Variants in KCNJ9 observed in about 807,000 individuals in gnomAD.
The protein encoded by KCNJ9 is G protein-activated inward rectifier potassium channel 3.
A neutral mutation model predicts 27.9 loss-of-function variants in KCNJ9; 18 were observed. The ratio of observed to expected loss-of-function variants is 0.65; its 90% CI spans 0.45 to 0.96. The LOEUF is 0.96. Among genes scored for constraint, KCNJ9 ranks in the 40% least tolerant of loss-of-function variants. KCNJ9 has a pLI of 0.00. For missense variants in KCNJ9, 324 were observed against 557.5 expected (o/e 0.58, Z 4.22); for synonymous variants, 229 against 248.2 (o/e 0.92, Z 0.73).
rs1041401478 is a variant in KCNJ9, at chr1:160,084,014, G to T, written c.-17G>T. On this transcript the variant is annotated 5_prime_UTR_variant, in exon 2 of 3. Transcript: ENST00000368088. ...CGCACTCCAGGCGCCCGCAGCGCTC[G>T]CCCTGACGCGGCCGCCATGGCGCAG... The T allele has an allele frequency of 6.6e-5, 89 of 1,356,692 alleles. No individual in the cohort carries two copies. The highest frequency in any genetic ancestry group is 8.0e-5 in the Non-Finnish European group (85 of 1,061,300). 84.0% of individuals were successfully genotyped at this position (1,356,692 alleles called of 1,614,324 possible). A position where few individuals can be genotyped will look rare whatever the true frequency, so the allele number is the denominator to read the frequency against.
At position 160,082,756 on chromosome 1, in the gene KCNJ9, A is replaced by G. The variant is rs367964621; in HGVS notation, c.-115+1059A>G. Among the ~76,000 whole-genome samples, 34 of 152,248 alleles carry G rather than the reference A, an allele frequency of 2.2e-4. 2 individuals are homozygous for G. The South Asian group carries it at 6.6e-3, about 30-fold the overall frequency. ...GAGAAGGGAAGGTGGAAGAGTCCCA[A>G]ATCCTATTCTAAACCTTTCCCTGTA... On this transcript the variant is annotated intron_variant, in intron 1 of 2. Coordinates refer to ENST00000368088, the MANE Select transcript of KCNJ9 (RefSeq NM_004983.3).
intron 1 of KCNJ9, among the ~76,000 whole-genome samples, 175 bp from the exon 2 acceptor site, chr1:160,083,742 C>G (rs1284325614): frequency 2.0e-5 from 3 of 152,162 alleles, no homozygotes; most frequent in Non-Finnish European, 4.4e-5. Context: ...TCCATTTGAC[C>G]CTCACAACTT....
At chr1:160,082,008 C>A (rs920011414) in intron 1 of KCNJ9, among the ~76,000 whole-genome samples, 9 of 152,124 alleles carry the variant, frequency 5.9e-5, no homozygotes, top group African/African-American at 2.2e-4. Flanking sequence ...CTTTTCCTTC[C>A]CCTGAGAAAA....
chr1:160,084,602 G>C lies in KCNJ9; in HGVS notation c.572G>C (p.Arg191Pro), dbSNP rs1358119523. ...GACGGGCGCCTCTGCCTCATGTTCCGCGTGGGCGACTTGCGCTCCTCACAC... is the reference window on the plus strand; with the variant it reads ...GACGGGCGCCTCTGCCTCATGTTCCCCGTGGGCGACTTGCGCTCCTCACAC... ...LRDGRLCLMF[R>P]VGDLRSSHIV... The change falls in exon 2 of 3, where the codon CGC becomes CCC. Residue 191 changes from arginine (R) to proline (P), a missense_variant. Transcript: ENST00000368088. 1 of 1,610,030 alleles carries C rather than the reference G, an allele frequency of 6.2e-7. No individual in the cohort carries two copies. The highest frequency in any genetic ancestry group is 1.7e-5 in the Admixed American group (1 of 59,630).
intron 1 of KCNJ9, among the ~76,000 whole-genome samples, chr1:160,083,434 A>G (rs1245940409): frequency 6.6e-6 from 1 of 152,194 alleles, no homozygotes; most frequent in African/African-American, 2.4e-5. Flanking sequence ...GTGAACTTCA[A>G]AACAGCCTGC....
chr1:160,087,803 G>A lies in KCNJ9; in HGVS notation c.1168G>A (p.Glu390Lys). Residue 390 changes from glutamate (E) to lysine (K), a missense_variant, in exon 3 of 3, where the codon GAG becomes AAG. Physicochemically the swap from Glu to Lys is moderately conservative, Grantham distance 56 (BLOSUM62 1). Coordinates refer to ENST00000368088, the MANE Select transcript of KCNJ9 (RefSeq NM_004983.3). ...TGGCTGCCTGCCACCCCCAGAGAGT[G>A]AGTCCAAGGTGTGACCAGCTTCCTC... is the stretch of plus-strand genomic sequence containing the variant. ...QNGCLPPPES[E>K]SKV is the part of the protein sequence containing the mutation. The A allele has an allele frequency of 6.6e-7, 1 of 1,510,686 alleles. No homozygotes were observed. Among genetic ancestry groups the A allele is most frequent in the Non-Finnish European group, 8.8e-7 (1 of 1,130,306 alleles). 93.6% of individuals were successfully genotyped at this position (1,510,686 alleles called of 1,614,324 possible).
In KCNJ9 at chr1:160,084,186, G is replaced by T. The variant is rs780218252; in HGVS notation, c.156G>T (p.Leu52=). The change falls in exon 2 of 3, where the codon CTG becomes CTT. Residue 52 remains leucine (L), a synonymous_variant. Transcript: ENST00000368088. ...YRYLTDLFTT[L]VDLQWRLSLL... ...ACCTGACGGACCTGTTCACCACGCT[G>T]GTGGACCTGCAGTGGCGCCTCAGCC... 9.6e-5 allele frequency: 154 copies of T among 1,610,088 alleles called. No individual in the cohort carries two copies. The highest frequency in any genetic ancestry group is 1.2e-4 in the Non-Finnish European group (142 of 1,178,316).
chr1:160,085,602 C>A (rs1649762417), intron 2 of KCNJ9, among the ~76,000 whole-genome samples: 1 of 152,238 alleles, frequency 6.6e-6, no homozygotes, highest in African/African-American at 2.4e-5. Flanking sequence ...CCTTTTCTAG[C>A]TCTTTTCCAA....
At chr1:160,086,064 G>T (rs1651927080) in intron 2 of KCNJ9, among the ~76,000 whole-genome samples, 1 of 152,274 alleles carries the variant, frequency 6.6e-6, no homozygotes, top group African/African-American at 2.4e-5. Flanking sequence ...CTCCAGGGAA[G>T]TTGCTGCCCG....
chr1:160,084,352 G>A lies in KCNJ9; in HGVS notation c.322G>A (p.Val108Met). 1 of 1,613,664 alleles carries A rather than the reference G, an allele frequency of 6.2e-7. No individual in the cohort carries two copies. The highest frequency in any genetic ancestry group is 2.2e-5 in the East Asian group (1 of 44,878). Residue 108 changes from valine to methionine, a missense_variant, in exon 2 of 3, where the codon GTG (valine) becomes ATG (methionine). Physicochemically the swap from Val to Met is conservative, Grantham distance 21. Around this residue, in one of 3 missense-constraint regions of KCNJ9, gnomAD observed 241 missense variants for 481.7 expected, o/e 0.50. Transcript: ENST00000368088. ...GTGCGTCAACAACCTCAACGGCTTCGTGGCCGCCTTCCTCTTCTCCATCGA... is the reference window on the plus strand; with the variant it reads ...GTGCGTCAACAACCTCAACGGCTTCATGGCCGCCTTCCTCTTCTCCATCGA... ...TPCVNNLNGF[V>M]AAFLFSIETE...
intron 1 of KCNJ9, among the ~76,000 whole-genome samples, chr1:160,083,228 G>T (rs1649711827): frequency 6.6e-6 from 1 of 152,214 alleles, no homozygotes. Flanking sequence ...GAGCAGCAGT[G>T]ATCGTGGGTA....
Position 160,084,028 on chromosome 1 carries a change from GCC to G in KCNJ9, c.-2_-1del. On this transcript the variant is annotated 5_prime_UTR_variant, in exon 2 of 3. Coordinates refer to ENST00000368088, the MANE Select transcript of KCNJ9 (RefSeq NM_004983.3). ...CCGCAGCGCTCGCCCTGACGCGGCC[GCC>G]ATGGCGCAGGAGAACGCGGCCTTCT... 1 of 1,399,364 alleles carries G rather than the reference GCC, an allele frequency of 7.1e-7. No individual in the cohort carries two copies. Among genetic ancestry groups the G allele is most frequent in the Non-Finnish European group, 9.2e-7 (1 of 1,081,750 alleles). 86.7% of individuals were successfully genotyped at this position (1,399,364 alleles called of 1,614,324 possible).
At position 160,087,818 on chromosome 1, in the gene KCNJ9, C is replaced by T. The variant is rs1282313361; in HGVS notation, c.*1C>T. On this transcript the variant is annotated 3_prime_UTR_variant, in exon 3 of 3. Coordinates refer to ENST00000368088, the MANE Select transcript of KCNJ9 (RefSeq NM_004983.3). ...CCCAGAGAGTGAGTCCAAGGTGTGA[C>T]CAGCTTCCTCCAGACCCCTGTGGCA... 2.0e-6 allele frequency: 3 copies of T among 1,480,210 alleles called. No homozygotes were observed. The highest frequency in any genetic ancestry group is 2.8e-5 in the African/African-American group (2 of 71,294). The allele number at this position is 1,480,210 out of a possible 1,614,324, so 91.7% of individuals were successfully genotyped here.
chr1:160,083,561 T>C (rs1649719175), intron 1 of KCNJ9, among the ~76,000 whole-genome samples: 1 of 152,132 alleles, frequency 6.6e-6, no homozygotes, highest in African/African-American at 2.4e-5. Context: ...CCCCAGTCTA[T>C]TGATTTCAGG....
At position 160,087,868 on chromosome 1, in the gene KCNJ9, T is replaced by G. The variant is rs1317648405; in HGVS notation, c.*51T>G. On this transcript the variant is annotated 3_prime_UTR_variant, in exon 3 of 3. Coordinates refer to ENST00000368088, the MANE Select transcript of KCNJ9 (RefSeq NM_004983.3). ...AGACCGGGGGCCAGACACAGATACA[T>G]GGGGAACTGCATATCGGAGGTGGTG... is the stretch of plus-strand genomic sequence containing the variant. 2 of 1,401,810 alleles carry G rather than the reference T, an allele frequency of 1.4e-6. No homozygotes were observed. The highest frequency in any genetic ancestry group is 1.7e-5 in the South Asian group (1 of 59,216). The allele number at this position is 1,401,810 out of a possible 1,614,324, so 86.8% of individuals were successfully genotyped here.
Position 160,087,615 on chromosome 1 carries a change from A to G in KCNJ9, c.980A>G (p.Glu327Gly). 6.2e-7 allele frequency: 1 copy of G among 1,613,448 alleles called. No individual in the cohort carries two copies. Among genetic ancestry groups the G allele is most frequent in the Non-Finnish European group, 8.5e-7 (1 of 1,179,868 alleles). Reference sequence around the variant, plus strand: ...TATGCCAGCTTTCACGAGACTTTTGAGGTGCCCACACCTTCGTGCAGTGCT... The same window carrying G: ...TATGCCAGCTTTCACGAGACTTTTGGGGTGCCCACACCTTCGTGCAGTGCT... ...VDYASFHETF[E>G]VPTPSCSARE... Residue 327 changes from glutamate to glycine, a missense_variant, in exon 3 of 3, where the codon GAG (glutamate) becomes GGG (glycine). By Grantham distance (98) the Glu-to-Gly change is moderately conservative. Coordinates refer to ENST00000368088, the MANE Select transcript of KCNJ9 (RefSeq NM_004983.3).
rs1649839457 is a variant in KCNJ9 at position 160,089,050 on chromosome 1, CT to C, written c.*1234del. ...TTTTTGGGCTCCACTCCAAGGGTTTCTGACCCAAGAGGTGGGGACCAAAACC... is the reference window on the plus strand; with the variant it reads ...TTTTTGGGCTCCACTCCAAGGGTTTCGACCCAAGAGGTGGGGACCAAAACC... On this transcript the variant is annotated 3_prime_UTR_variant, in exon 3 of 3. Transcript: ENST00000368088. 1 of 152,236 alleles carries C rather than the reference CT, an allele frequency of 6.6e-6. No homozygotes were observed. The highest frequency in any genetic ancestry group is 6.5e-5 in the Admixed American group (1 of 15,288). 9.4% of individuals were successfully genotyped at this position (152,236 alleles called of 1,614,324 possible). A position where few individuals can be genotyped will look rare whatever the true frequency, so the allele number is the denominator to read the frequency against.
chr1:160,089,482 T>G lies in KCNJ9; in HGVS notation c.*1665T>G, dbSNP rs1649852200. On this transcript the variant is annotated 3_prime_UTR_variant, in exon 3 of 3. Transcript: ENST00000368088. ...TCGGGGGGAGGTGGAGCAGGAAGAG[T>G]TTTAGGGGCAAAGGACAGAACCCCT... 1 of 150,634 alleles carries G rather than the reference T, an allele frequency of 6.6e-6. No individual in the cohort carries two copies. The highest frequency in any genetic ancestry group is 2.5e-5 in the African/African-American group (1 of 40,758). 9.3% of individuals were successfully genotyped at this position (150,634 alleles called of 1,614,324 possible).
At chr1:160,082,638 C>T (rs1305806882) in intron 1 of KCNJ9, among the ~76,000 whole-genome samples, 1 of 152,192 alleles carries the variant, frequency 6.6e-6, no homozygotes, top group African/African-American at 2.4e-5. Context: ...CCATCCAGGC[C>T]ATCTGTGGTT....
Sources: gnomAD v4.1 joint callset for allele counts (sites outside exome capture counted in the v4.1 genomes callset) on GRCh38, gnomAD v4.1.1 for gene constraint, gnomAD v4.1.1 regional missense constraint, MANE v1.5 for transcripts, NCBI Gene and HGNC (gene_info 2026-07-23, HGNC 2026-07-21) for gene names.